The following GTPBP2 variants were observed in gnomAD, a reference collection of about 807,000 sequenced individuals.
The protein encoded by GTPBP2 is GTP-binding protein 2.
A neutral mutation model predicts 63.0 loss-of-function variants in GTPBP2; 32 were observed. The ratio of observed to expected loss-of-function variants is 0.51; its 90% CI spans 0.38 to 0.68. The LOEUF is 0.68. Ranked by LOEUF, GTPBP2 falls within the 30% of genes least tolerant of loss-of-function variation. The pLI, the probability that GTPBP2 is intolerant of heterozygous loss-of-function variation, is 0.00. For synonymous variants in GTPBP2, 310 were observed against 322.6 expected (o/e 0.96, Z 0.42); for missense variants, 492 against 796.9 (o/e 0.62, Z 4.61).
At position 43,626,447 on chromosome 6, in the gene GTPBP2, G is replaced by A; in HGVS notation, c.214-37C>T. The A allele has an allele frequency of 6.4e-7, 1 of 1,574,460 alleles. No homozygotes were observed. Among genetic ancestry groups the A allele is most frequent in the Middle Eastern group, 1.7e-4 (1 of 5,798 alleles). On this transcript the variant is annotated intron_variant, in intron 2 of 11. Coordinates refer to ENST00000307126, the MANE Select transcript of GTPBP2 (RefSeq NM_019096.5). The surrounding 1 kb of genome is among the most constrained non-coding windows in gnomAD (Gnocchi z 4.0). ...TGGGGTATCATAAGGTGAAATCAGAGGTGTTCCTCCCAAACCTACATGGTC... is the reference window on the plus strand; with the variant it reads ...TGGGGTATCATAAGGTGAAATCAGAAGTGTTCCTCCCAAACCTACATGGTC...
At chr6:43,630,326 C>T (rs534236753), upstream of GTPBP2, among the ~76,000 whole-genome samples, 1 of 152,306 alleles carries the variant, frequency 6.6e-6, no homozygotes, top group South Asian at 2.1e-4. Context: ...TGCTGAGCTG[C>T]GAGTCAGGAC....
intron 9 of GTPBP2, chr6:43,623,050 T>C: frequency 2.0e-6 from 1 of 504,024 alleles, no homozygotes; most frequent in South Asian, 2.8e-5. Context: ...ACCGAACACC[T>C]AATCACTGAA....
intron 1 of GTPBP2, chr6:43,628,560 T>C (rs1238159197): frequency 1.0e-6 from 1 of 983,868 alleles, no homozygotes; most frequent in African/African-American, 1.8e-5. Flanking sequence ...GTGGAACATA[T>C]TGCTCTTTTC....
At chr6:43,628,697 T>C (rs1035715704) in intron 1 of GTPBP2, 2 of 700,106 alleles carry the variant, frequency 2.9e-6, no homozygotes, top group African/African-American at 1.8e-5. Context: ...GTGCTCTTCC[T>C]GGGATCCCCT....
rs1769248591 is a variant in GTPBP2, at chr6:43,625,660, C to G, written c.507+96G>C. 2.1e-6 allele frequency: 3 copies of G among 1,404,066 alleles called. No homozygotes were observed. Among genetic ancestry groups the G allele is most frequent in the Non-Finnish European group, 3.0e-6 (3 of 989,614 alleles). 87.0% of individuals were successfully genotyped at this position (1,404,066 alleles called of 1,614,324 possible). On this transcript the variant is annotated intron_variant, in intron 4 of 11. Transcript: ENST00000307126. The surrounding 1 kb of genome is among the most constrained non-coding windows in gnomAD (Gnocchi z 5.1). ...CGCTCCCTAGGGAGCAAGTGATGAA[C>G]TGGAAGCCCCCAGGATCCCAGGCCA...
chr6:43,621,744 AG>A lies in GTPBP2; in HGVS notation c.1678del (p.Leu560Ter). The A allele has an allele frequency of 6.2e-7, 1 of 1,614,110 alleles. No homozygotes were observed. The highest frequency in any genetic ancestry group is 8.5e-7 in the Non-Finnish European group (1 of 1,180,010). On this transcript the variant is annotated frameshift_variant, in exon 12 of 12. Transcript: ENST00000307126. LOFTEE classifies it high-confidence loss of function. ...CACCTTCAGGTACTCTGGGTGTTTC[AG>A]GAAGCGGAAACGTACCACTGCCTTC... Reference protein sequence around the residue: ...GEKAVVRFRFLKHPEYLKVGA... With the variant: ...GEKAVVRFRFXKHPEYLKVGA...
rs1347186326 is a variant in GTPBP2, at chr6:43,626,089, A to G, written c.398+137T>C. ...TAGGTCCAGTGAGGAGGGGACCAAA[A>G]CACTAACCCTCCCCACTTCAGCCCT... is the stretch of plus-strand genomic sequence containing the variant. On this transcript the variant is annotated intron_variant, in intron 3 of 11. Transcript: ENST00000307126. The surrounding 1 kb of genome is among the most constrained non-coding windows in gnomAD (Gnocchi z 4.0). 1 of 860,442 alleles carries G rather than the reference A, an allele frequency of 1.2e-6. No homozygotes were observed. 53.3% of individuals were successfully genotyped at this position (860,442 alleles called of 1,614,324 possible).
rs1318604712 is a variant in GTPBP2 at position 43,628,990 on chromosome 6, T to A, written c.173A>T (p.Tyr58Phe). 3 of 1,613,646 alleles carry A rather than the reference T, an allele frequency of 1.9e-6. No individual in the cohort carries two copies. The South Asian group carries it at 3.3e-5, about 18-fold the overall frequency. ...TCAGGTGCTCACCTCGGGGGGCAAA[T>A]ACGGGGGGTTGTTGGCTTTGCCCCC... ...NRGGKANNPP[Y>F]LPPEAEDGNI... Residue 58 changes from tyrosine (Y) to phenylalanine (F), a missense_variant, in exon 1 of 12, where the codon TAT becomes TTT. This residue lies in a region of GTPBP2 where 92 missense variants were observed against 86.1 expected (regional missense o/e 1.07). Transcript: ENST00000307126.
Position 43,621,459 on chromosome 6 carries a change from C to T in GTPBP2, c.*155G>A, listed in dbSNP as rs367888334. ...CCTTTCCTGGCCACACCAAGTTTGG[C>T]ACCTCTCCAGAAAGTTGGCAGGGAG... On this transcript the variant is annotated 3_prime_UTR_variant, in exon 12 of 12. Transcript: ENST00000307126. 452 of 1,548,922 alleles carry T rather than the reference C, an allele frequency of 2.9e-4. 3 individuals carry two copies. In the South Asian group the frequency reaches 5.0e-3, roughly 17 times the overall value.
At position 43,625,453 on chromosome 6, in the gene GTPBP2, C is replaced by T. The variant is rs773733815; in HGVS notation, c.615G>A (p.Arg205=). The T allele has an allele frequency of 6.2e-7, 1 of 1,614,084 alleles. No individual in the cohort carries two copies. Among genetic ancestry groups the T allele is most frequent in the Non-Finnish European group, 8.5e-7 (1 of 1,180,002 alleles). The part of the protein sequence containing the change: ...GELDNGRGRA[R]LNLFRHLHEI... ...CATGCAGGTGGCGGAAAAGGTTGAG[C>T]CGAGCCCGGCCCCGCCCATTGTCCA... is the stretch of plus-strand genomic sequence containing the variant. Residue 205 remains arginine, a synonymous_variant, in exon 5 of 12, where the codon CGG becomes CGA. Transcript: ENST00000307126. The surrounding 1 kb of genome is among the most constrained non-coding windows in gnomAD (Gnocchi z 5.1).
Position 43,624,510 on chromosome 6 carries a change from T to C in GTPBP2, c.1100A>G (p.Asn367Ser). Residue 367 changes from asparagine (N) to serine (S), a missense_variant and splice_region_variant, in exon 7 of 12, where the codon AAT (asparagine) becomes AGT (serine). Coordinates refer to ENST00000307126, the MANE Select transcript of GTPBP2 (RefSeq NM_019096.5). This position sits in a 1 kb window ranked among gnomAD's most constrained non-coding sequence, Gnocchi z 5.1. ...TAAQQFAQSP[N>S]VTPIFTLSSV... is the part of the protein sequence containing the mutation. ...GGGCTTTAGAGTAAGGTGGGCTTACTTGGGTGACTGAGCAAACTGCTGGGC... is the reference window on the plus strand; with the variant it reads ...GGGCTTTAGAGTAAGGTGGGCTTACCTGGGTGACTGAGCAAACTGCTGGGC... 2 of 1,610,640 alleles carry C rather than the reference T, an allele frequency of 1.2e-6. No homozygotes were observed. The highest frequency in any genetic ancestry group is 8.5e-7 in the Non-Finnish European group (1 of 1,178,124).
At chr6:43,627,788 C>T (rs773862413) in intron 1 of GTPBP2, among the ~76,000 whole-genome samples, 1 of 152,256 alleles carries the variant, frequency 6.6e-6, no homozygotes, top group Non-Finnish European at 1.5e-5. Context: ...TCCTATCATT[C>T]CATCCCTTCA....
At chr6:43,630,252 A>G (rs764044223), upstream of GTPBP2, among the ~76,000 whole-genome samples, 5 of 146,692 alleles carry the variant, frequency 3.4e-5, no homozygotes, top group Non-Finnish European at 6.2e-5. Context: ...TACAGAGTAC[A>G]TACATTCAGC....
upstream of GTPBP2, among the ~76,000 whole-genome samples, chr6:43,630,741 T>TAAAA (rs200805129): frequency 1.7e-5 from 2 of 118,974 alleles, no homozygotes; most frequent in East Asian, 4.7e-4. Context: ...AGACTCCAAC[T>TAAAA]AAAAAAAAAA....
chr6:43,629,702 T>C (rs1484409741), upstream of GTPBP2: 4 of 1,548,180 alleles, frequency 2.6e-6, no homozygotes, highest in African/African-American at 2.7e-5. Flanking sequence ...CTGAGGCTAC[T>C]GGTGCCGCCA....
chr6:43,629,770 G>T, upstream of GTPBP2: 1 of 1,562,540 alleles, frequency 6.4e-7, no homozygotes, highest in Non-Finnish European at 8.7e-7. Flanking sequence ...TGCCGCTGGG[G>T]TGAGTCAGGG....
Position 43,629,014 on chromosome 6 carries a change from C to A in GTPBP2, c.149G>T (p.Gly50Val). The A allele has an allele frequency of 6.2e-7, 1 of 1,613,884 alleles. No homozygotes were observed. Among genetic ancestry groups the A allele is most frequent in the Non-Finnish European group, 8.5e-7 (1 of 1,179,876 alleles). The change falls in exon 1 of 12, where the codon GGG (glycine) becomes GTG (valine). Residue 50 changes from glycine (G) to valine (V), a missense_variant. Transcript: ENST00000307126. ...ATACGGGGGGTTGTTGGCTTTGCCC[C>A]CTCTGTTCCTTCCGTTCTTCTTCTT... ...KGKKKNGRNR[G>V]GKANNPPYLP...
chr6:43,627,057 C>T, intron 1 of GTPBP2, 109 bp from the exon 2 acceptor site: 2 of 1,021,166 alleles, frequency 2.0e-6, no homozygotes, highest in Non-Finnish European at 2.9e-6. Flanking sequence ...GGAAGCCCCA[C>T]TGGCACTTGG....
At position 43,621,570 on chromosome 6, in the gene GTPBP2, A is replaced by T. The variant is rs2127832194; in HGVS notation, c.*44T>A. 6.2e-7 allele frequency: 1 copy of T among 1,613,850 alleles called. No individual in the cohort carries two copies. The highest frequency in any genetic ancestry group is 1.3e-5 in the African/African-American group (1 of 75,024). ...GGGCAGCATGGCCAGAAGTCACCTT[A>T]TATATTGTAGGGACAGCAATAGAAC... On this transcript the variant is annotated 3_prime_UTR_variant, in exon 12 of 12. Coordinates refer to ENST00000307126, the MANE Select transcript of GTPBP2 (RefSeq NM_019096.5).
Sources: gnomAD v4.1 joint callset for allele counts (sites outside exome capture counted in the v4.1 genomes callset) on GRCh38, gnomAD v4.1.1 for gene constraint, gnomAD v4.1.1 regional missense constraint, Gnocchi (gnomAD v3.1) non-coding constraint, MANE v1.5 for transcripts, NCBI Gene and HGNC (gene_info 2026-07-23, HGNC 2026-07-21) for gene names.